Variants in CHD1L observed in about 807,000 individuals in gnomAD.
The protein encoded by CHD1L is chromodomain helicase DNA binding protein 1 like, also known as ATP-dependent chromatin remodeler CHD1L.
A neutral mutation model predicts 115.9 loss-of-function variants in CHD1L; 118 were observed. The ratio of observed to expected loss-of-function variants is 1.02; its 90% CI spans 0.88 to 1.19. The LOEUF (loss-of-function observed/expected upper bound fraction) is 1.19. Among genes scored for constraint, CHD1L ranks in the 50% most tolerant of loss-of-function variants. CHD1L has a pLI of 0.00. For synonymous variants in CHD1L, 411 were observed against 387.1 expected (o/e 1.06, Z -0.72); for missense variants, 1,179 against 1,065.3 (o/e 1.11, Z -1.49).
At chr1:147,183,237 G>A in the CHD1L span, among the ~76,000 whole-genome samples, 1 of 152,112 alleles carries the variant, frequency 6.6e-6, no homozygotes, top group Non-Finnish European at 1.5e-5. Flanking sequence ...CAATGACTCA[G>A]AACAGTTTTT....
intron 1 of CHD1L, among the ~76,000 whole-genome samples, chr1:147,247,737 C>G (rs587711936): frequency 6.6e-6 from 1 of 152,296 alleles, no homozygotes; most frequent in East Asian, 1.9e-4. Flanking sequence ...TGGGTATCAG[C>G]AGAGCTGCAT....
chr1:147,277,415 G>C (rs1438499379), intron 14 of CHD1L, among the ~76,000 whole-genome samples: 2 of 152,308 alleles, frequency 1.3e-5, no homozygotes, highest in East Asian at 3.9e-4. Context: ...GCAAAGGCCA[G>C]TGCATATCTT....
At chr1:147,221,755 C>T in the CHD1L span, among the ~76,000 whole-genome samples, 1 of 152,208 alleles carries the variant, frequency 6.6e-6, no homozygotes, top group Non-Finnish European at 1.5e-5. Context: ...GATCTCACCT[C>T]TTTGAGGTAC....
the CHD1L span, chr1:147,179,719 C>T: frequency 1.3e-5 from 9 of 710,708 alleles, no homozygotes; most frequent in Middle Eastern, 3.8e-4. Context: ...GGAATTATTA[C>T]GTCTCAGGGC....
At chr1:147,231,995 G>A in the CHD1L span, among the ~76,000 whole-genome samples, 4 of 152,152 alleles carry the variant, frequency 2.6e-5, no homozygotes, top group Admixed American at 6.6e-5. Context: ...AGTTGGAAAT[G>A]CAAAAATCAC....
intron 20 of CHD1L, among the ~76,000 whole-genome samples, chr1:147,292,875 C>T (rs1160588066): frequency 6.6e-6 from 1 of 152,250 alleles, no homozygotes. Context: ...ACCTCCAACA[C>T]TGGGGATTAC....
At chr1:147,256,901 A>G (rs1265985616) in intron 5 of CHD1L, among the ~76,000 whole-genome samples, 1 of 152,256 alleles carries the variant, frequency 6.6e-6, no homozygotes, top group African/African-American at 2.4e-5. Flanking sequence ...TGCAACTTGC[A>G]TAGACCCCTT....
At chr1:147,295,296 G>A (rs782500637) in intron 22 of CHD1L, 135 bp from the exon 23 acceptor site, 2 of 668,932 alleles carry the variant, frequency 3.0e-6, no homozygotes, top group Non-Finnish European at 5.3e-6. Context: ...AATATTGAAA[G>A]TGTTTATGAT....
chr1:147,187,245 C>T, the CHD1L span: 10 of 1,583,034 alleles, frequency 6.3e-6, no homozygotes, highest in Non-Finnish European at 8.6e-6. Flanking sequence ...TCTCCACATA[C>T]CTAAAGTAGA....
chr1:147,242,640 C>G (rs1665042982), upstream of CHD1L: 11 of 1,248,272 alleles, frequency 8.8e-6, no homozygotes, highest in African/African-American at 3.1e-5. Flanking sequence ...CGCGCCCCCG[C>G]GCGTTGGGAA....
At chr1:147,254,491 C>T (rs1669419148) in intron 2 of CHD1L, among the ~76,000 whole-genome samples, 1 of 152,190 alleles carries the variant, frequency 6.6e-6, no homozygotes, top group African/African-American at 2.4e-5. Flanking sequence ...GCCGTTTTTA[C>T]AGTCATATCT....
chr1:147,269,246 G>GT (rs1675180044), intron 10 of CHD1L, among the ~76,000 whole-genome samples: 1 of 152,158 alleles, frequency 6.6e-6, no homozygotes, highest in East Asian at 1.9e-4. Flanking sequence ...TTGCCTGCTA[G>GT]TAACTTGGCA....
chr1:147,272,349 G>C, intron 12 of CHD1L, 68 bp downstream of exon 12: 1 of 1,083,016 alleles, frequency 9.2e-7, no homozygotes, highest in Non-Finnish European at 1.4e-6. Flanking sequence ...CATCCCAACG[G>C]TTAGTACACT....
the CHD1L span, chr1:147,204,357 A>G: frequency 9.8e-7 from 1 of 1,025,380 alleles, no homozygotes; most frequent in Non-Finnish European, 1.6e-6. Context: ...GGCCAGAATC[A>G]GGAAAAATAG....
intron 1 of CHD1L, among the ~76,000 whole-genome samples, chr1:147,243,674 A>G (rs1159962750): frequency 6.6e-6 from 1 of 152,118 alleles, no homozygotes; most frequent in Non-Finnish European, 1.5e-5. Flanking sequence ...CTTTGACTGT[A>G]TTGACAGAAT....
chr1:147,213,688 T>C, the CHD1L span, among the ~76,000 whole-genome samples: 1 of 152,192 alleles, frequency 6.6e-6, no homozygotes, highest in Non-Finnish European at 1.5e-5. Flanking sequence ...GGCAGGCTAA[T>C]GTACCCTCCT....
chr1:147,184,392 T>C, the CHD1L span: 1 of 1,266,938 alleles, frequency 7.9e-7, no homozygotes, highest in African/African-American at 1.5e-5. The surrounding 1 kb of genome is among the most constrained non-coding windows in gnomAD (Gnocchi z 4.4). Flanking sequence ...TGATACATTA[T>C]TAACCAAAAT....
At chr1:147,277,076 CTGTG>C (rs1678770415) in intron 14 of CHD1L, among the ~76,000 whole-genome samples, 1 of 151,990 alleles carries the variant, frequency 6.6e-6, no homozygotes, top group Admixed American at 6.6e-5. Flanking sequence ...TCAAAGATGG[CTGTG>C]AGGTTTTAGG....
chr1:147,234,035 A>G, the CHD1L span, among the ~76,000 whole-genome samples: 5 of 152,012 alleles, frequency 3.3e-5, no homozygotes, highest in Admixed American at 2.6e-4. Context: ...TCCCTCTACT[A>G]TTGTCCTATG....
Sources: allele counts gnomAD v4.1 joint callset (sites outside exome capture counted in the v4.1 genomes callset), GRCh38; gene constraint gnomAD v4.1.1; non-coding constraint Gnocchi (gnomAD v3.1); transcripts MANE v1.5; gene names NCBI Gene and HGNC (gene_info 2026-07-23, HGNC 2026-07-21).